SLCO2B1: variants seen among roughly 807,000 people sequenced by gnomAD.
SLCO2B1 encodes the protein solute carrier organic anion transporter family member 2B1.
A neutral mutation model predicts 67.3 loss-of-function variants in SLCO2B1; 41 were observed. That is an observed-to-expected ratio of 0.61 (90% CI 0.47 to 0.79). The LOEUF (loss-of-function observed/expected upper bound fraction) is 0.79, where lower values mean the gene tolerates loss of function less well. Ranked by LOEUF, SLCO2B1 falls within the 30% of genes least tolerant of loss-of-function variation. The pLI is 0.00. For synonymous variants in SLCO2B1, 379 were observed against 381.4 expected (o/e 0.99, Z 0.07); for missense variants, 837 against 920.1 (o/e 0.91, Z 1.17).
intron 11 of SLCO2B1, chr11:75,202,292 G>A (rs575337320): frequency 1.3e-4 from 20 of 152,526 alleles, no homozygotes; most frequent in African/African-American, 4.6e-4. Flanking sequence ...TGACTAAAAG[G>A]AGTTGAGAAC....
intron 3 of SLCO2B1, among the ~76,000 whole-genome samples, chr11:75,165,441 A>G (rs1003229715): frequency 2.0e-5 from 3 of 152,154 alleles, no homozygotes; most frequent in African/African-American, 7.2e-5. Context: ...AAAAAAAAAA[A>G]AAAAAAATTC....
intron 1 of SLCO2B1, among the ~76,000 whole-genome samples, chr11:75,154,402 AG>A (rs1367042090): frequency 6.6e-6 from 1 of 152,054 alleles, no homozygotes; most frequent in East Asian, 1.9e-4. Flanking sequence ...CTGGAGGCTG[AG>A]GCAGGAGAAT....
intron 1 of SLCO2B1, chr11:75,152,252 C>G (rs1001122201): frequency 6.6e-6 from 1 of 152,312 alleles, no homozygotes. Flanking sequence ...CCAGGTTAGA[C>G]GCCCTATAGC....
intron 7 of SLCO2B1, among the ~76,000 whole-genome samples, chr11:75,182,634 C>A (rs928340967): frequency 1.3e-4 from 19 of 151,648 alleles, no homozygotes; most frequent in Non-Finnish European, 2.9e-5. Context: ...CTCAGCTACT[C>A]GGGAGGCTGA....
At chr11:75,196,397 C>G (rs1428588349) in intron 9 of SLCO2B1, 117 bp from the exon 10 acceptor site, 1 of 1,040,090 alleles carries the variant, frequency 9.6e-7, no homozygotes, top group African/African-American at 1.6e-5. Context: ...GATGAAAATC[C>G]TCTGTGTGGA....
chr11:75,202,810 A>T, intron 11 of SLCO2B1, 91 bp from the exon 12 acceptor site: 1 of 1,098,412 alleles, frequency 9.1e-7, no homozygotes, highest in South Asian at 1.3e-5. Context: ...GTGGGAGAGA[A>T]GGGCATAATA....
At position 75,196,595 on chromosome 11, in the gene SLCO2B1, C is replaced by T; in HGVS notation, c.1515C>T (p.Asp505=). The part of the protein sequence containing the change: ...CPLDGFNPVC[D]PSTRVEYITP... The stretch of plus-strand genomic sequence containing the variant: ...TGGACGGCTTTAACCCTGTCTGCGA[C>T]CCCAGCACTCGTGTGGAATACATCA... The change falls in exon 10 of 14, where the codon GAC becomes GAT. Residue 505 remains aspartate (D), a synonymous_variant. Transcript: ENST00000289575. 4 of 1,614,130 alleles carry T rather than the reference C, an allele frequency of 2.5e-6. No individual in the cohort carries two copies. The highest frequency in any genetic ancestry group is 3.4e-6 in the Non-Finnish European group (4 of 1,180,036).
intron 7 of SLCO2B1, among the ~76,000 whole-genome samples, chr11:75,175,423 G>C (rs1316432087): frequency 2.0e-5 from 3 of 152,182 alleles, no homozygotes; most frequent in Non-Finnish European, 4.4e-5. Flanking sequence ...CAGGGCGAGA[G>C]AATGGGCAAG....
intron 7 of SLCO2B1, among the ~76,000 whole-genome samples, chr11:75,178,736 A>T (rs1334572607): frequency 6.6e-6 from 1 of 152,200 alleles, no homozygotes; most frequent in Non-Finnish European, 1.5e-5. Flanking sequence ...AGATTGCCTG[A>T]ACTTATTTCT....
chr11:75,162,944 C>A (rs1591810830), intron 2 of SLCO2B1, 159 bp downstream of exon 2: 1 of 885,540 alleles, frequency 1.1e-6, no homozygotes, highest in African/African-American at 1.7e-5. Context: ...CGAAAGCACT[C>A]AGCTGGGTTT....
intron 7 of SLCO2B1, among the ~76,000 whole-genome samples, chr11:75,182,485 G>A (rs1056048223): frequency 6.6e-6 from 1 of 152,232 alleles, no homozygotes; most frequent in African/African-American, 2.4e-5. Context: ...GCTCACGCCT[G>A]TAATCTCAGC....
At chr11:75,163,134 T>C (rs1372456428) in intron 2 of SLCO2B1, among the ~76,000 whole-genome samples, 1 of 152,120 alleles carries the variant, frequency 6.6e-6, no homozygotes, top group African/African-American at 2.4e-5. Context: ...AGGGCAGCTG[T>C]GAACATCCAA....
chr11:75,187,324 G>T (rs1297128506), intron 7 of SLCO2B1, among the ~76,000 whole-genome samples: 3 of 152,238 alleles, frequency 2.0e-5, no homozygotes, highest in South Asian at 4.1e-4. Flanking sequence ...TTCAAGAGTT[G>T]CACATGGGCC....
In SLCO2B1 at chr11:75,172,459, G is replaced by A; in HGVS notation, c.862G>A (p.Ala288Thr). 1.2e-6 allele frequency: 2 copies of A among 1,614,186 alleles called. No homozygotes were observed. Among genetic ancestry groups the A allele is most frequent in the Non-Finnish European group, 1.7e-6 (2 of 1,180,018 alleles). The change falls in exon 7 of 14, where the codon GCC becomes ACC. Residue 288 changes from alanine to threonine, a missense_variant. Physicochemically the swap from Ala to Thr is moderately conservative, Grantham distance 58. Transcript: ENST00000289575. ...LGFLIAAGAV[A>T]LAAIPYFFFP... ...TTTCCTCATCGCTGCCGGTGCAGTG[G>A]CCCTGGCTGCCATCCCCTACTTCTT...
rs1051781395 is a variant in SLCO2B1 at position 75,162,755 on chromosome 11, C to T, written c.117C>T (p.Asp39=). 14 of 1,613,876 alleles carry T rather than the reference C, an allele frequency of 8.7e-6. No homozygotes were observed. Among genetic ancestry groups the T allele is most frequent in the African/African-American group, 2.7e-5 (2 of 74,900 alleles). The stretch of plus-strand genomic sequence containing the variant: ...GCAAAGCCAGCCCAGACCCTCAGGA[C>T]GTGCGGCCAAGTGTGTTCCATAACA... ...PGGKASPDPQ[D]VRPSVFHNIK... The change falls in exon 2 of 14, where the codon GAC becomes GAT. Residue 39 remains aspartate, a synonymous_variant. Transcript: ENST00000289575.
chr11:75,204,289 A>G (rs1007150932), intron 13 of SLCO2B1, 111 bp from the exon 14 acceptor site: 2 of 1,123,450 alleles, frequency 1.8e-6, no homozygotes, highest in Non-Finnish European at 2.5e-6. Context: ...AGCAGAGGTC[A>G]ATGTCTCCCT....
chr11:75,200,283 C>G lies in SLCO2B1; in HGVS notation c.1659C>G (p.Cys553Trp). ...VEGNPVLAGS[C>W]DSTCSHLVVP... ...GCAACCCCGTGCTGGCAGGATCCTG[C>G]GACTCAACGTGCAGCCATCTGGTGG... is the stretch of plus-strand genomic sequence containing the variant. Residue 553 changes from cysteine to tryptophan, a missense_variant, in exon 11 of 14, where the codon TGC (cysteine) becomes TGG (tryptophan). Coordinates refer to ENST00000289575, the MANE Select transcript of SLCO2B1 (RefSeq NM_007256.5). 1 of 1,613,880 alleles carries G rather than the reference C, an allele frequency of 6.2e-7. No individual in the cohort carries two copies. The highest frequency in any genetic ancestry group is 8.5e-7 in the Non-Finnish European group (1 of 1,179,940).
intron 1 of SLCO2B1, among the ~76,000 whole-genome samples, chr11:75,152,941 C>G (rs1331214209): frequency 1.3e-5 from 2 of 152,152 alleles, no homozygotes; most frequent in East Asian, 3.9e-4. Context: ...GGGAAGCTGT[C>G]CCAGTCAGGG....
intron 7 of SLCO2B1, among the ~76,000 whole-genome samples, chr11:75,178,951 T>A (rs903313789): frequency 1.3e-5 from 2 of 152,218 alleles, no homozygotes; most frequent in South Asian, 4.1e-4. Context: ...GATTTCCTTC[T>A]TTTTTAAAGC....
Sources: allele counts gnomAD v4.1 joint callset (sites outside exome capture counted in the v4.1 genomes callset), GRCh38; gene constraint gnomAD v4.1.1; transcripts MANE v1.5; gene names NCBI Gene and HGNC (gene_info 2026-07-23, HGNC 2026-07-21).